Variants in MAN1A1 observed in about 807,000 individuals in gnomAD.
The protein encoded by MAN1A1 is mannosidase alpha class 1A member 1, also known as mannosyl-oligosaccharide 1,2-alpha-mannosidase IA.
MAN1A1 carries 29 observed loss-of-function variants against 70.8 expected under a neutral mutation model. The observed-to-expected ratio is 0.41, with a 90% CI of 0.31 to 0.56. The LOEUF is 0.56. Among genes scored for constraint, MAN1A1 ranks in the 20% least tolerant of loss-of-function variants. The probability of loss-of-function intolerance (pLI) is 0.29; values close to 1 mark genes in which losing one functional copy is unlikely to be tolerated. For missense variants in MAN1A1, 747 were observed against 841.3 expected (o/e 0.89, Z 1.39); for synonymous variants, 349 against 330.1 (o/e 1.06, Z -0.62).
chr6:119,344,739 T>A (rs540404720), intron 2 of MAN1A1, among the ~76,000 whole-genome samples: 1 of 152,246 alleles, frequency 6.6e-6, no homozygotes, highest in Non-Finnish European at 1.5e-5. Flanking sequence ...CAAAAGGGTA[T>A]AAACTGTCAA....
intron 5 of MAN1A1, among the ~76,000 whole-genome samples, chr6:119,270,360 G>A (rs1032298561): frequency 6.6e-6 from 1 of 152,082 alleles, no homozygotes; most frequent in African/African-American, 2.4e-5. Context: ...TTAAAACTCA[G>A]AACTATAGTG....
At chr6:119,186,730 C>T (rs1582677374) in intron 11 of MAN1A1, among the ~76,000 whole-genome samples, 2 of 152,140 alleles carry the variant, frequency 1.3e-5, no homozygotes, top group East Asian at 3.9e-4. Context: ...GTGGGAGCTG[C>T]AAGCATATGC....
At chr6:119,343,961 C>T (rs969745574) in intron 2 of MAN1A1, among the ~76,000 whole-genome samples, 4 of 152,202 alleles carry the variant, frequency 2.6e-5, no homozygotes, top group African/African-American at 9.6e-5. Flanking sequence ...GACCTTCGGA[C>T]ACATGCTTAA....
chr6:119,334,916 C>G (rs1263076645), intron 2 of MAN1A1, among the ~76,000 whole-genome samples: 2 of 152,210 alleles, frequency 1.3e-5, no homozygotes, highest in Non-Finnish European at 2.9e-5. Context: ...TTCCTCCCCA[C>G]ATATCTGAGT....
intron 2 of MAN1A1, among the ~76,000 whole-genome samples, chr6:119,343,951 G>C (rs1476364610): frequency 6.6e-6 from 1 of 152,140 alleles, no homozygotes; most frequent in Non-Finnish European, 1.5e-5. Context: ...CCTCCCCTCT[G>C]ACCTTCGGAC....
In MAN1A1 at chr6:119,349,056, C is replaced by T. The variant is rs1257657549; in HGVS notation, c.10G>A (p.Gly4Arg). Residue 4 changes from glycine (G) to arginine (R), a missense_variant, in exon 2 of 13, where the codon GGG (glycine) becomes AGG (arginine). By Grantham distance (125) the Gly-to-Arg change is moderately radical (BLOSUM62 -2). Transcript: ENST00000368468. MPV[G>R]GLLPLFSSPA... The stretch of plus-strand genomic sequence containing the variant: ...CTGCTGAAGAGCGGCAACAGGCCCC[C>T]CACGGGCATCGCTCCCGCTGTCCAG... The T allele has an allele frequency of 3.8e-6, 5 of 1,319,988 alleles. No individual in the cohort carries two copies. The highest frequency in any genetic ancestry group is 4.8e-6 in the Non-Finnish European group (5 of 1,033,318). The allele number at this position is 1,319,988 out of a possible 1,614,324, so 81.8% of individuals were successfully genotyped here.
intron 2 of MAN1A1, among the ~76,000 whole-genome samples, chr6:119,339,492 T>C (rs1310547502): frequency 6.6e-6 from 1 of 152,106 alleles, no homozygotes; most frequent in Non-Finnish European, 1.5e-5. Context: ...AAAGTATATA[T>C]AGTGTGGTTA....
chr6:119,314,413 G>C (rs990685593), intron 2 of MAN1A1, among the ~76,000 whole-genome samples: 10 of 152,166 alleles, frequency 6.6e-5, no homozygotes, highest in African/African-American at 2.4e-4. Flanking sequence ...AATTAACTTT[G>C]TCAAACAGCT....
At chr6:119,317,725 T>A (rs1772893447) in intron 2 of MAN1A1, among the ~76,000 whole-genome samples, 1 of 152,204 alleles carries the variant, frequency 6.6e-6, no homozygotes, top group Non-Finnish European at 1.5e-5. Context: ...ACTTGCACAG[T>A]ATAAGCATTT....
At chr6:119,297,876 C>T (rs1437827463) in intron 4 of MAN1A1, among the ~76,000 whole-genome samples, 1 of 149,956 alleles carries the variant, frequency 6.7e-6, no homozygotes, top group Non-Finnish European at 1.5e-5. Context: ...TCTTGAACTT[C>T]TGGGTTCAAG....
intron 4 of MAN1A1, among the ~76,000 whole-genome samples, chr6:119,297,800 T>G (rs1331035965): frequency 2.4e-4 from 14 of 58,546 alleles, no homozygotes; most frequent in African/African-American, 8.5e-4. Context: ...AGTTTTTTTG[T>G]TTTGTTTTGT....
chr6:119,331,953 A>G (rs765490001), intron 2 of MAN1A1: 1 of 511,324 alleles, frequency 2.0e-6, no homozygotes, highest in Non-Finnish European at 3.9e-6. Flanking sequence ...TCAACCTCGC[A>G]GGAGCTGCTC....
intron 2 of MAN1A1, among the ~76,000 whole-genome samples, chr6:119,334,920 T>C (rs1207371296): frequency 6.6e-6 from 1 of 152,208 alleles, no homozygotes; most frequent in African/African-American, 2.4e-5. Flanking sequence ...TCCCCACATA[T>C]CTGAGTGTTG....
intron 2 of MAN1A1, among the ~76,000 whole-genome samples, chr6:119,325,565 G>A (rs1266631439): frequency 1.3e-5 from 2 of 152,142 alleles, no homozygotes; most frequent in African/African-American, 4.8e-5. Context: ...GCTGAGGCAG[G>A]AGAATCGCTT....
rs879300747 is a variant in MAN1A1, at chr6:119,289,985, C to CT, written c.897+697_897+698insA. Among the ~76,000 whole-genome samples the CT allele has an allele frequency of 4.3e-3, 649 of 152,098 alleles. 14 individuals are homozygous for CT. Among genetic ancestry groups the CT allele is most frequent in the Admixed American group, 0.039 (601 of 15,240 alleles). ...GTCAACATTAAAGATGAGGCCCATT[C>CT]CAACAACCCTTAGTGGACACTCAAA... On this transcript the variant is annotated intron_variant, in intron 5 of 12. Coordinates refer to ENST00000368468, the MANE Select transcript of MAN1A1 (RefSeq NM_005907.4).
intron 6 of MAN1A1, among the ~76,000 whole-genome samples, chr6:119,218,367 G>C (rs1774265368): frequency 6.6e-6 from 1 of 152,108 alleles, no homozygotes; most frequent in Admixed American, 6.5e-5. Context: ...GTTCAGGAGA[G>C]AAAGTTATAG....
intron 6 of MAN1A1, among the ~76,000 whole-genome samples, chr6:119,234,699 G>A (rs184813861): frequency 6.6e-6 from 1 of 152,162 alleles, no homozygotes; most frequent in African/African-American, 2.4e-5. Flanking sequence ...CAGAGTATGA[G>A]TCACCACACC....
At chr6:119,263,797 T>C (rs1037147597) in intron 5 of MAN1A1, among the ~76,000 whole-genome samples, 4 of 152,188 alleles carry the variant, frequency 2.6e-5, no homozygotes, top group Non-Finnish European at 2.9e-5. Context: ...GTGTCATACA[T>C]TCTTCAGGGA....
chr6:119,271,966 A>G (rs1775937284), intron 5 of MAN1A1, among the ~76,000 whole-genome samples: 1 of 152,210 alleles, frequency 6.6e-6, no homozygotes, highest in Non-Finnish European at 1.5e-5. Flanking sequence ...GGAGAAACAC[A>G]GTCTTAGGGT....
Sources: gnomAD v4.1 joint callset for allele counts (sites outside exome capture counted in the v4.1 genomes callset) on GRCh38, gnomAD v4.1.1 for gene constraint, MANE v1.5 for transcripts, NCBI Gene and HGNC (gene_info 2026-07-23, HGNC 2026-07-21) for gene names.